Variants in C5orf34 observed in about 807,000 individuals in gnomAD.
C5orf34 encodes the protein chromosome 5 open reading frame 34, also known as uncharacterized protein C5orf34.
C5orf34 carries 73 observed loss-of-function variants against 78.4 expected under a neutral mutation model. The observed-to-expected ratio is 0.93, with a 90% CI of 0.77 to 1.13. The LOEUF is 1.13. Among genes scored for constraint, C5orf34 ranks in the 50% most tolerant of loss-of-function variants. The pLI, the probability that C5orf34 is intolerant of heterozygous loss-of-function variation, is 0.00. For missense variants in C5orf34, 730 were observed against 732.7 expected (o/e 1.00, Z 0.04); for synonymous variants, 251 against 246.6 (o/e 1.02, Z -0.17).
At chr5:43,487,170 A>G (rs1745102905) in intron 12 of C5orf34, 59 bp from the exon 13 acceptor site, 1 of 794,418 alleles carries the variant, frequency 1.3e-6, no homozygotes, top group Non-Finnish European at 1.9e-6. Flanking sequence ...ATATCTTTAT[A>G]TACAGAAAGC....
chr5:43,501,309 A>T (rs547057041), intron 6 of C5orf34, among the ~76,000 whole-genome samples: 6 of 152,328 alleles, frequency 3.9e-5, no homozygotes, highest in Admixed American at 6.5e-5. Context: ...GTTACTGGGC[A>T]TGCTTGTATC....
rs1373520571 is a variant in C5orf34, at chr5:43,506,047, C to A, written c.633G>T (p.Lys211Asn). ...QIMKSKETLK[K>N]MSCVNGTEGR... is the part of the protein sequence containing the mutation. ...CTTCAGTTCCATTTACACAACTCAT[C>A]TTCTTTAAAGTTTCTTTGGATTTCA... The change falls in exon 4 of 13, where the codon AAG becomes AAT. Residue 211 changes from lysine to asparagine, a missense_variant. Lys to Asn is a moderately conservative substitution (Grantham distance 94, BLOSUM62 0). Transcript: ENST00000306862. 5.0e-6 allele frequency: 8 copies of A among 1,614,076 alleles called. No individual in the cohort carries two copies. The highest frequency in any genetic ancestry group is 1.1e-5 in the South Asian group (1 of 91,092).
intron 1 of C5orf34, among the ~76,000 whole-genome samples, chr5:43,514,492 T>A (rs531850714): frequency 1.3e-5 from 2 of 152,140 alleles, no homozygotes; most frequent in African/African-American, 2.4e-5. Flanking sequence ...GTCTTTTTTT[T>A]AATAGCTTTA....
chr5:43,491,919 G>A (rs559641583), intron 10 of C5orf34, among the ~76,000 whole-genome samples: 8 of 150,772 alleles, frequency 5.3e-5, no homozygotes, highest in South Asian at 2.1e-4. Context: ...CAGGAGAATC[G>A]CTTGAACCCA....
At chr5:43,494,447 A>G in intron 7 of C5orf34, 63 bp downstream of exon 7, 2 of 1,083,886 alleles carry the variant, frequency 1.8e-6, no homozygotes, top group Admixed American at 1.9e-5. Flanking sequence ...CCTTAATCAC[A>G]AGAAAATGTG....
intron 2 of C5orf34, among the ~76,000 whole-genome samples, 188 bp from the exon 3 acceptor site, chr5:43,508,854 G>A (rs1222434053): frequency 1.3e-5 from 2 of 152,210 alleles, no homozygotes; most frequent in East Asian, 3.8e-4. Flanking sequence ...GGCATAATGG[G>A]AGGCCAAGAT....
At chr5:43,488,288 C>A in intron 11 of C5orf34, 1 of 227,452 alleles carries the variant, frequency 4.4e-6, no homozygotes, top group Non-Finnish European at 8.5e-6. Flanking sequence ...TTTACGCAAA[C>A]TTTACAAACC....
chr5:43,496,629 C>T (rs1745543008), intron 6 of C5orf34, among the ~76,000 whole-genome samples: 1 of 140,782 alleles, frequency 7.1e-6, no homozygotes, highest in Non-Finnish European at 1.5e-5. Flanking sequence ...TACTCTGTTG[C>T]CCAGGGCTGG....
chr5:43,494,137 G>A (rs559110829), intron 7 of C5orf34, among the ~76,000 whole-genome samples: 17 of 152,134 alleles, frequency 1.1e-4, no homozygotes, highest in African/African-American at 4.1e-4. Flanking sequence ...TATATTTTCA[G>A]AAATCTATTA....
At chr5:43,491,637 C>T (rs1489611968) in intron 10 of C5orf34, among the ~76,000 whole-genome samples, 2 of 152,196 alleles carry the variant, frequency 1.3e-5, no homozygotes, top group Non-Finnish European at 1.5e-5. Flanking sequence ...CATATCCAAC[C>T]TCCACAGCAA....
At chr5:43,494,442 A>G in intron 7 of C5orf34, 68 bp downstream of exon 7, 1 of 1,032,704 alleles carries the variant, frequency 9.7e-7, no homozygotes, top group East Asian at 2.5e-5. Flanking sequence ...CTTATCCTTA[A>G]TCACAAGAAA....
intron 5 of C5orf34, among the ~76,000 whole-genome samples, chr5:43,503,201 G>T (rs1050066393): frequency 3.9e-5 from 6 of 152,178 alleles, no homozygotes; most frequent in African/African-American, 1.4e-4. Flanking sequence ...GTGGGGTATG[G>T]ATAATTCAAT....
rs914308685 is a variant in C5orf34 at position 43,502,331 on chromosome 5, A to C, written c.1152+41T>G. ...TTTGGAATTATTTAGAAAGAGCTAT[A>C]CAGCAAAACTCTTCTTGAGTTGAGT... On this transcript the variant is annotated intron_variant, in intron 6 of 12. Transcript: ENST00000306862. The C allele has an allele frequency of 2.5e-6, 4 of 1,603,214 alleles. No individual in the cohort carries two copies. The South Asian group carries it at 4.5e-5, about 18-fold the overall frequency.
intron 6 of C5orf34, chr5:43,495,413 T>C: frequency 1.2e-6 from 2 of 1,611,742 alleles, no homozygotes; most frequent in South Asian, 2.2e-5. Context: ...TTGGCCTGGA[T>C]GGTTCAGGAT....
intron 6 of C5orf34, among the ~76,000 whole-genome samples, chr5:43,501,833 A>G (rs1745771453): frequency 6.6e-6 from 1 of 152,220 alleles, no homozygotes; most frequent in Non-Finnish European, 1.5e-5. Context: ...GATGTCAAAT[A>G]TCAGAGGGGC....
chr5:43,490,311 T>G (rs1745227674), intron 11 of C5orf34: 1 of 181,332 alleles, frequency 5.5e-6, no homozygotes, highest in African/African-American at 2.4e-5. Flanking sequence ...ACTAAAAATT[T>G]AAGAATCCCC....
chr5:43,505,657 C>T (rs1745947934), intron 4 of C5orf34, 91 bp downstream of exon 4: 2 of 1,349,842 alleles, frequency 1.5e-6, no homozygotes, highest in South Asian at 1.7e-5. Context: ...ATAAACTTTC[C>T]TTGTGAATGG....
At chr5:43,506,762 C>A (rs1319110247) in intron 3 of C5orf34, among the ~76,000 whole-genome samples, 1 of 151,616 alleles carries the variant, frequency 6.6e-6, no homozygotes, top group African/African-American at 2.4e-5. Flanking sequence ...GGAAGACCAA[C>A]ACTATGATAC....
chr5:43,489,414 C>A (rs1745184543), intron 11 of C5orf34, among the ~76,000 whole-genome samples: 2 of 152,100 alleles, frequency 1.3e-5, no homozygotes, highest in South Asian at 4.1e-4. Context: ...CTCTGCTGTT[C>A]CTAGTTGCTT....
Sources: gnomAD v4.1 joint callset for allele counts (sites outside exome capture counted in the v4.1 genomes callset) on GRCh38, gnomAD v4.1.1 for gene constraint, MANE v1.5 for transcripts, NCBI Gene and HGNC (gene_info 2026-07-23, HGNC 2026-07-21) for gene names.